The following GRM8 variants were observed in gnomAD, a reference collection of about 807,000 sequenced individuals.
GRM8 encodes glutamate metabotropic receptor 8.
In GRM8, 47 loss-of-function variants were observed where a neutral mutation model predicts 87.2. The ratio of observed to expected loss-of-function variants is 0.54; its 90% CI spans 0.43 to 0.69. The LOEUF is 0.69. Ranked by LOEUF, GRM8 falls within the 30% of genes least tolerant of loss-of-function variation. The pLI is 0.00. For missense variants in GRM8, 1,019 were observed against 1,139.2 expected, an observed-to-expected ratio of 0.89 and a Z score of 1.52; for synonymous variants, 396 against 404.5, an observed-to-expected ratio of 0.98 and a Z score of 0.25.
intron 6 of GRM8, among the ~76,000 whole-genome samples, chr7:126,809,654 T>C (rs942985922): frequency 1.3e-5 from 2 of 152,160 alleles, no homozygotes; most frequent in Non-Finnish European, 2.9e-5. Flanking sequence ...AATTTCCCCA[T>C]AGAATGTAAC....
chr7:127,041,915 G>T (rs978074869), intron 3 of GRM8, among the ~76,000 whole-genome samples: 10 of 152,166 alleles, frequency 6.6e-5, no homozygotes, highest in Non-Finnish European at 1.2e-4. Flanking sequence ...AGGGAGCTCT[G>T]ATTGGTTGAG....
At chr7:127,133,610 G>T (rs1827802265) in intron 2 of GRM8, among the ~76,000 whole-genome samples, 1 of 150,906 alleles carries the variant, frequency 6.6e-6, no homozygotes, top group East Asian at 2.0e-4. Context: ...GGAGGCTGAG[G>T]CAGGAGAATG....
intron 9 of GRM8, among the ~76,000 whole-genome samples, chr7:126,531,055 TA>T (rs1246879480): frequency 6.6e-6 from 1 of 152,148 alleles, no homozygotes; most frequent in East Asian, 1.9e-4. Context: ...TCTTGAATAA[TA>T]AAAGAAACTT....
chr7:126,944,654 T>G (rs1007406331), intron 3 of GRM8, among the ~76,000 whole-genome samples: 1 of 152,170 alleles, frequency 6.6e-6, no homozygotes. Context: ...TGTTATGACC[T>G]CAATACCCAA....
intron 8 of GRM8, among the ~76,000 whole-genome samples, chr7:126,564,025 T>G (rs1230755658): frequency 6.6e-6 from 1 of 152,196 alleles, no homozygotes; most frequent in Non-Finnish European, 1.5e-5. Context: ...ATGGTTATAT[T>G]TAGGTCTAGT....
intron 2 of GRM8, among the ~76,000 whole-genome samples, chr7:127,134,085 T>C (rs1463090311): frequency 1.3e-5 from 2 of 152,190 alleles, no homozygotes; most frequent in East Asian, 3.9e-4. Context: ...GGCCTAACTA[T>C]GAGACTAAAT....
At chr7:126,631,871 A>G (rs1801306399) in intron 7 of GRM8, among the ~76,000 whole-genome samples, 1 of 152,194 alleles carries the variant, frequency 6.6e-6, no homozygotes, top group Non-Finnish European at 1.5e-5. Flanking sequence ...CACCTTATAC[A>G]AAAATTAACT....
At chr7:127,120,381 T>G (rs1477199668) in intron 2 of GRM8, among the ~76,000 whole-genome samples, 1 of 152,210 alleles carries the variant, frequency 6.6e-6, no homozygotes, top group African/African-American at 2.4e-5. Flanking sequence ...TCAACAGTAT[T>G]GACTACAGTA....
At chr7:127,029,226 T>G (rs1183758127) in intron 3 of GRM8, among the ~76,000 whole-genome samples, 1 of 152,212 alleles carries the variant, frequency 6.6e-6, no homozygotes, top group Non-Finnish European at 1.5e-5. Flanking sequence ...TCTCTTCTTT[T>G]GCATTTGCTG....
chr7:127,099,562 G>T (rs1407939194), intron 3 of GRM8, among the ~76,000 whole-genome samples: 7 of 152,114 alleles, frequency 4.6e-5, no homozygotes, highest in African/African-American at 1.4e-4. Flanking sequence ...TTATCCATTA[G>T]GTTACCTCAT....
chr7:126,665,493 T>A (rs569020846), intron 7 of GRM8, among the ~76,000 whole-genome samples: 1 of 152,190 alleles, frequency 6.6e-6, no homozygotes, highest in East Asian at 1.9e-4. Flanking sequence ...AGAAAATTAA[T>A]GCAGGAACAG....
intron 7 of GRM8, among the ~76,000 whole-genome samples, chr7:126,636,362 C>T (rs60196182): frequency 0.016 from 2,489 of 152,008 alleles, 84 homozygotes; most frequent in African/African-American, 0.057. Flanking sequence ...CTCAAGTTCC[C>T]GATATAAAAT....
At chr7:126,778,714 T>C (rs750257755) in intron 6 of GRM8, among the ~76,000 whole-genome samples, 1 of 152,098 alleles carries the variant, frequency 6.6e-6, no homozygotes, top group Non-Finnish European at 1.5e-5. Context: ...CCTCATACAA[T>C]TCAAATTTGG....
At chr7:126,877,082 AT>A (rs927349520) in intron 6 of GRM8, among the ~76,000 whole-genome samples, 2 of 152,012 alleles carry the variant, frequency 1.3e-5, no homozygotes, top group Non-Finnish European at 2.9e-5. Context: ...AATCTAACAA[AT>A]TTTTTTCCCA....
intron 9 of GRM8, among the ~76,000 whole-genome samples, chr7:126,472,849 G>A (rs116822947): frequency 0.028 from 4,275 of 152,284 alleles, 162 homozygotes; most frequent in African/African-American, 0.079. Flanking sequence ...ATGGCTAATA[G>A]GGTCCAATGT....
chr7:127,097,009 A>G (rs756137822), intron 3 of GRM8, among the ~76,000 whole-genome samples: 2 of 152,150 alleles, frequency 1.3e-5, no homozygotes, highest in African/African-American at 2.4e-5. Flanking sequence ...ACAACTAGGA[A>G]TCTGGTGACA....
intron 6 of GRM8, among the ~76,000 whole-genome samples, chr7:126,801,398 A>T (rs903747132): frequency 2.7e-5 from 2 of 74,020 alleles, no homozygotes; most frequent in Non-Finnish European, 8.6e-5. Flanking sequence ...TATGATCTAG[A>T]TCTATAATTA....
intron 6 of GRM8, among the ~76,000 whole-genome samples, chr7:126,794,395 A>C (rs896568502): frequency 1.3e-5 from 2 of 152,130 alleles, no homozygotes; most frequent in African/African-American, 2.4e-5. Context: ...CCTCAGAAAA[A>C]TGGGGTCCTT....
rs1427881038 is a variant in GRM8 at position 126,685,255 on chromosome 7, A to G, written c.1358-75757T>C. On this transcript the variant is annotated intron_variant, in intron 7 of 10. Coordinates refer to ENST00000339582, the MANE Select transcript of GRM8 (RefSeq NM_000845.3). The surrounding 1 kb of genome is among the most constrained non-coding windows in gnomAD (Gnocchi z 4.2). ...GGGCCACCATGATGGGGCCGGGCCA[A>G]GTTGCCTACAGGCAGGGGAACAATG... Among the ~76,000 whole-genome samples, 1 of 152,146 alleles carries G rather than the reference A, an allele frequency of 6.6e-6. No individual in the cohort carries two copies. Among genetic ancestry groups the G allele is most frequent in the Non-Finnish European group, 1.5e-5 (1 of 68,004 alleles).
Sources: allele counts gnomAD v4.1 joint callset (sites outside exome capture counted in the v4.1 genomes callset), GRCh38; gene constraint gnomAD v4.1.1; non-coding constraint Gnocchi (gnomAD v3.1); transcripts MANE v1.5; gene names NCBI Gene and HGNC (gene_info 2026-07-23, HGNC 2026-07-21).